Variants in ADGRV1 observed in about 807,000 individuals in gnomAD.
ADGRV1 encodes the protein adhesion G protein-coupled receptor V1, also known as G-protein coupled receptor 98.
A neutral mutation model predicts 596.2 loss-of-function variants in ADGRV1; 359 were observed. The ratio of observed to expected loss-of-function variants is 0.60; its 90% confidence interval spans 0.55 to 0.66. The LOEUF (loss-of-function observed/expected upper bound fraction) is 0.66, where lower values mean the gene tolerates loss of function less well. Among genes scored for constraint, ADGRV1 ranks in the 30% least tolerant of loss-of-function variants. The probability of loss-of-function intolerance (pLI) is 0.00; values close to 1 mark genes in which losing one functional copy is unlikely to be tolerated. For missense variants in ADGRV1, 7,274 were observed against 7,575.6 expected (o/e 0.96, Z 1.48); for synonymous variants, 2,681 against 2,679.2 (o/e 1.00, Z -0.02).
Position 90,807,737 on chromosome 5 carries a change from G to A in ADGRV1, c.14972G>A (p.Arg4991Gln), listed in dbSNP as rs201316232. ...QSSAPGGAQL[R>Q]SGFIVAEIEP... ...AGTGCTCCTGGCGGAGCTCAACTCC[G>A]GTAAGACCAACCTCATTCTCACCCA... Residue 4991 changes from arginine to glutamine, a missense_variant and splice_region_variant, in exon 73 of 90, where the codon CGA becomes CAA. Around this residue, in one of 5 missense-constraint regions of ADGRV1, gnomAD observed 1,874 missense variants for 1,970.2 expected, o/e 0.95. Transcript: ENST00000405460. 41 of 1,540,794 alleles carry A rather than the reference G, an allele frequency of 2.7e-5. No homozygotes were observed. Among genetic ancestry groups the A allele is most frequent in the South Asian group, 2.5e-5 (2 of 79,740 alleles).
chr5:90,593,154 A>G (rs988119219), intron 1 of ADGRV1, among the ~76,000 whole-genome samples: 11 of 152,244 alleles, frequency 7.2e-5, no homozygotes, highest in Non-Finnish European at 1.3e-4. Flanking sequence ...ATGCACATGT[A>G]TGTTTATTGC....
At chr5:90,662,894 G>C (rs1441348369) in intron 21 of ADGRV1, among the ~76,000 whole-genome samples, 5 of 151,730 alleles carry the variant, frequency 3.3e-5, no homozygotes, top group Non-Finnish European at 5.9e-5. Context: ...ACTTTACTGA[G>C]AATGATGATT....
chr5:90,915,372 A>AT (rs556148080), intron 83 of ADGRV1, among the ~76,000 whole-genome samples: 163 of 152,272 alleles, frequency 1.1e-3, no homozygotes, highest in Non-Finnish European at 1.7e-3. Flanking sequence ...GAATGACTGG[A>AT]TTTTGACTTA....
At chr5:91,051,927 T>C (rs1370952289) in intron 85 of ADGRV1, among the ~76,000 whole-genome samples, 1 of 152,162 alleles carries the variant, frequency 6.6e-6, no homozygotes. Flanking sequence ...AAAAACTTCT[T>C]TCATATAAAA....
intron 85 of ADGRV1, among the ~76,000 whole-genome samples, chr5:90,996,094 G>A (rs1248967539): frequency 1.3e-5 from 2 of 152,156 alleles, no homozygotes; most frequent in East Asian, 3.9e-4. Context: ...CCATTTTCAG[G>A]GTAGAAATTC....
intron 79 of ADGRV1, among the ~76,000 whole-genome samples, chr5:90,850,082 C>T (rs1231096090): frequency 6.6e-6 from 1 of 152,140 alleles, no homozygotes; most frequent in African/African-American, 2.4e-5. Flanking sequence ...GGCCTGGACT[C>T]AACCCCAGAC....
At chr5:90,950,865 T>C (rs1777001448) in intron 83 of ADGRV1, among the ~76,000 whole-genome samples, 1 of 152,070 alleles carries the variant, frequency 6.6e-6, no homozygotes, top group African/African-American at 2.4e-5. Context: ...ATAAATAATG[T>C]TTTTCTGTTA....
chr5:90,878,002 G>A (rs1180818881), intron 83 of ADGRV1, among the ~76,000 whole-genome samples: 2 of 152,144 alleles, frequency 1.3e-5, no homozygotes, highest in African/African-American at 4.8e-5. Context: ...TATTCTTGAG[G>A]TAAAGATAGA....
intron 53 of ADGRV1, 68 bp from the exon 54 acceptor site, chr5:90,753,506 T>G: frequency 8.5e-7 from 1 of 1,180,832 alleles, no homozygotes; most frequent in Non-Finnish European, 1.2e-6. Context: ...AAAATCAATT[T>G]TTAAAATATT....
At chr5:90,719,100 C>T (rs114153881) in intron 43 of ADGRV1, among the ~76,000 whole-genome samples, 3,431 of 152,070 alleles carry the variant, frequency 0.023, 127 homozygotes, top group African/African-American at 0.08. Flanking sequence ...GGGGGCTAGG[C>T]GGGCGGATCA....
intron 85 of ADGRV1, among the ~76,000 whole-genome samples, chr5:90,994,057 TTTC>T (rs771921669): frequency 6.6e-6 from 1 of 151,170 alleles, no homozygotes; most frequent in East Asian, 1.9e-4. Flanking sequence ...GTACTTTTCT[TTTC>T]TTTTTTTTTT....
intron 20 of ADGRV1, among the ~76,000 whole-genome samples, chr5:90,657,586 G>A (rs1769601170): frequency 6.6e-6 from 1 of 152,138 alleles, no homozygotes; most frequent in Non-Finnish European, 1.5e-5. Flanking sequence ...GTGTATGTAT[G>A]TGTGTGTATG....
chr5:90,624,602 C>T (rs1408339939), intron 5 of ADGRV1, among the ~76,000 whole-genome samples: 2 of 152,220 alleles, frequency 1.3e-5, no homozygotes, highest in African/African-American at 2.4e-5. Flanking sequence ...TATCATCTAA[C>T]GCATACCCAT....
intron 72 of ADGRV1, among the ~76,000 whole-genome samples, chr5:90,806,292 C>T (rs755984133): frequency 6.6e-5 from 10 of 152,112 alleles, no homozygotes; most frequent in South Asian, 2.1e-4. Flanking sequence ...AAATTAGCTG[C>T]GTGATTGAGA....
At chr5:90,952,215 C>T (rs943701787) in intron 83 of ADGRV1, among the ~76,000 whole-genome samples, 5 of 152,154 alleles carry the variant, frequency 3.3e-5, no homozygotes, top group Admixed American at 3.3e-4. Flanking sequence ...CTGCTGCTAC[C>T]ACCTCCACCT....
chr5:90,813,510 T>G (rs1179940681), intron 74 of ADGRV1, among the ~76,000 whole-genome samples: 2 of 152,220 alleles, frequency 1.3e-5, no homozygotes, highest in Non-Finnish European at 2.9e-5. Context: ...GAGCTTAGTT[T>G]TAACTCAACA....
chr5:90,582,885 T>A (rs1758250011), intron 1 of ADGRV1, among the ~76,000 whole-genome samples: 2 of 152,200 alleles, frequency 1.3e-5, no homozygotes, highest in African/African-American at 2.4e-5. Flanking sequence ...TAAAATGAAT[T>A]CACTTCGTAT....
chr5:90,917,815 TCCTCTTCCTCTC>T (rs1291964735), intron 83 of ADGRV1, among the ~76,000 whole-genome samples: 1 of 152,168 alleles, frequency 6.6e-6, no homozygotes, highest in African/African-American at 2.4e-5. Flanking sequence ...GTTCTCTTTC[TCCTCTTCCTCTC>T]CCTCTTCCTC....
In ADGRV1 at chr5:91,045,249, G is replaced by A. The variant is rs188046538; in HGVS notation, c.18153-27198G>A. ...GGACATAACCAAAAAAGAAGACTAC[G>A]GACCAATATCCCTGATGAACATACA... On this transcript the variant is annotated intron_variant, in intron 85 of 89. Coordinates refer to ENST00000405460, the MANE Select transcript of ADGRV1 (RefSeq NM_032119.4). Among the ~76,000 whole-genome samples the A allele has an allele frequency of 2.1e-4, 32 of 152,028 alleles. 1 individual carries two copies. The East Asian group carries it at 5.4e-3, about 26-fold the overall frequency.
Sources: allele counts gnomAD v4.1 joint callset (sites outside exome capture counted in the v4.1 genomes callset), GRCh38; gene constraint gnomAD v4.1.1; regional missense constraint gnomAD v4.1.1; transcripts MANE v1.5; gene names NCBI Gene and HGNC (gene_info 2026-07-23, HGNC 2026-07-21).